MAST4: variants seen among roughly 807,000 people sequenced by gnomAD.
MAST4 encodes microtubule-associated serine/threonine-protein kinase 4.
MAST4 carries 89 observed loss-of-function variants against 162.7 expected under a neutral mutation model. The observed-to-expected ratio is 0.55, with a 90% confidence interval of 0.46 to 0.65. MAST4 has a LOEUF of 0.65. MAST4 is among the 30% of genes least tolerant of loss of function. MAST4 has a pLI of 0.00. For synonymous variants in MAST4, 1,479 were observed against 1,361.1 expected, an observed-to-expected ratio of 1.09 and a Z score of -1.91; for missense variants, 3,153 against 3,374.0, an observed-to-expected ratio of 0.93 and a Z score of 1.62.
intron 3 of MAST4, among the ~76,000 whole-genome samples, chr5:66,878,662 T>C (rs1034575587): frequency 6.6e-6 from 1 of 152,232 alleles, no homozygotes; most frequent in Non-Finnish European, 1.5e-5. Context: ...ACCTTCTTTT[T>C]TTCTCTTTTA....
At chr5:66,788,866 A>T (rs1332923488) in intron 3 of MAST4, 72 bp downstream of exon 3, 4 of 1,443,724 alleles carry the variant, frequency 2.8e-6, no homozygotes, top group Non-Finnish European at 3.7e-6. Flanking sequence ...AAGTTAATTG[A>T]GTTTAACTAT....
intron 9 of MAST4, among the ~76,000 whole-genome samples, chr5:67,102,863 G>A (rs866388498): frequency 2.0e-5 from 3 of 152,182 alleles, no homozygotes; most frequent in Non-Finnish European, 4.4e-5. Context: ...CACCACACAC[G>A]GGGTGGGCCT....
chr5:66,965,038 AAAG>A (rs762678149), intron 4 of MAST4, among the ~76,000 whole-genome samples: 7 of 152,202 alleles, frequency 4.6e-5, no homozygotes, highest in Non-Finnish European at 1.0e-4. Flanking sequence ...TGAAATCTGC[AAAG>A]AATAATCGAC....
chr5:67,166,386 G>C lies in MAST4; in HGVS notation c.7207G>C (p.Ala2403Pro). The C allele has an allele frequency of 6.2e-7, 1 of 1,611,018 alleles. No individual in the cohort carries two copies. Reference sequence around the variant, plus strand: ...GCATAGCGAGAACCGGTTGAAAGGCGCGGAGCGGCCAGCCGCGGGGGTGGG... The same window carrying C: ...GCATAGCGAGAACCGGTTGAAAGGCCCGGAGCGGCCAGCCGCGGGGGTGGG... Reference protein sequence around the residue: ...FVHSENRLKGAERPAAGVGKG... With the variant: ...FVHSENRLKGPERPAAGVGKG... Residue 2403 changes from alanine to proline, a missense_variant, in exon 29 of 29, where the codon GCG becomes CCG. Coordinates refer to ENST00000403625, the MANE Select transcript of MAST4 (RefSeq NM_001164664.2).
intron 1 of MAST4, among the ~76,000 whole-genome samples, chr5:66,652,853 C>T (rs1746315267): frequency 1.3e-5 from 2 of 152,158 alleles, no homozygotes; most frequent in Admixed American, 6.6e-5. Context: ...TTTGTTTGCT[C>T]TCTTTGAGGC....
At chr5:66,926,876 C>A (rs1311412754) in intron 4 of MAST4, among the ~76,000 whole-genome samples, 1 of 151,950 alleles carries the variant, frequency 6.6e-6, no homozygotes, top group Non-Finnish European at 1.5e-5. Context: ...AGAATAATTA[C>A]CAAATTTACA....
chr5:66,724,109 A>G (rs545012472), intron 1 of MAST4, among the ~76,000 whole-genome samples: 1 of 152,246 alleles, frequency 6.6e-6, no homozygotes, highest in Admixed American at 6.5e-5. Flanking sequence ...TTCTTAGCAA[A>G]CATGCTGATT....
chr5:66,608,707 T>G (rs1263273042), intron 1 of MAST4, among the ~76,000 whole-genome samples: 1 of 151,664 alleles, frequency 6.6e-6, no homozygotes, highest in African/African-American at 2.4e-5. Flanking sequence ...CTGTGTGGCT[T>G]TTGAAATACT....
In MAST4 at chr5:66,677,373, C is replaced by T. The variant is rs1464440294; in HGVS notation, c.363+80355C>T. Among the ~76,000 whole-genome samples the T allele has an allele frequency of 2.6e-5, 4 of 152,318 alleles. No homozygotes were observed. The East Asian group carries it at 7.7e-4, about 29-fold the overall frequency. ...ATTTCATTCCTTTGGCATTTCTCCT[C>T]CCTGTTCTCTAACCTCTCTTTTAGT... On this transcript the variant is annotated intron_variant, in intron 1 of 28. Transcript: ENST00000403625.
intron 1 of MAST4, among the ~76,000 whole-genome samples, chr5:66,718,414 G>A (rs1450037101): frequency 6.6e-6 from 1 of 152,004 alleles, no homozygotes; most frequent in Non-Finnish European, 1.5e-5. Flanking sequence ...CTGAACCTGA[G>A]GACCCCATGA....
At chr5:67,116,730 C>A (rs557256449) in intron 12 of MAST4, among the ~76,000 whole-genome samples, 1 of 151,916 alleles carries the variant, frequency 6.6e-6, no homozygotes, top group African/African-American at 2.4e-5. Flanking sequence ...GCAGGAGAAT[C>A]GCTCGAACCC....
At chr5:67,118,010 C>A (rs896731327) in intron 12 of MAST4, among the ~76,000 whole-genome samples, 19 of 152,240 alleles carry the variant, frequency 1.2e-4, no homozygotes, top group African/African-American at 4.6e-4. Flanking sequence ...TGTTAGTATG[C>A]TAAGAGCTTT....
chr5:66,924,855 C>G (rs890038966), intron 4 of MAST4, among the ~76,000 whole-genome samples: 1 of 152,136 alleles, frequency 6.6e-6, no homozygotes, highest in Non-Finnish European at 1.5e-5. Flanking sequence ...TTACTTCTAT[C>G]TTTTGATGCA....
rs1050269932 is a variant in MAST4, at chr5:67,054,633, C to T, written c.763+141C>T. 26 of 738,960 alleles carry T rather than the reference C, an allele frequency of 3.5e-5. No individual in the cohort carries two copies. In the Admixed American group the frequency reaches 3.6e-4, roughly 10 times the overall value. 45.8% of individuals were successfully genotyped at this position (738,960 alleles called of 1,614,324 possible). A position where few individuals can be genotyped will look rare whatever the true frequency, so the allele number is the denominator to read the frequency against. On this transcript the variant is annotated intron_variant, in intron 5 of 28. Coordinates refer to ENST00000403625, the MANE Select transcript of MAST4 (RefSeq NM_001164664.2). Reference sequence around the variant, plus strand: ...TGTTTTATCCCTAAGTTGTTCTTTGCGATATGTTAGCCCAGATCTTATCCT... The same window carrying T: ...TGTTTTATCCCTAAGTTGTTCTTTGTGATATGTTAGCCCAGATCTTATCCT...
chr5:66,665,066 A>G (rs1355636544), intron 1 of MAST4, among the ~76,000 whole-genome samples: 1 of 152,252 alleles, frequency 6.6e-6, no homozygotes, highest in Non-Finnish European at 1.5e-5. Context: ...GAGTACTATC[A>G]GAAGAGGCAG....
chr5:66,959,392 C>G, intron 4 of MAST4: 1 of 750,140 alleles, frequency 1.3e-6, no homozygotes, highest in Non-Finnish European at 2.5e-6. Flanking sequence ...CTGACAGCCT[C>G]AGAGCACTGC....
At chr5:66,801,471 T>G (rs1005661160) in intron 3 of MAST4, among the ~76,000 whole-genome samples, 2 of 152,318 alleles carry the variant, frequency 1.3e-5, no homozygotes, top group African/African-American at 4.8e-5. Flanking sequence ...GAAGAGATGT[T>G]AAAAAATGAA....
At chr5:66,983,090 A>T (rs1453943341) in intron 4 of MAST4, among the ~76,000 whole-genome samples, 1 of 152,162 alleles carries the variant, frequency 6.6e-6, no homozygotes, top group Non-Finnish European at 1.5e-5. Context: ...CATTTCGTGG[A>T]GGTAGATACA....
At chr5:67,019,145 A>T (rs182027561) in intron 4 of MAST4, among the ~76,000 whole-genome samples, 4 of 152,136 alleles carry the variant, frequency 2.6e-5, no homozygotes, top group Non-Finnish European at 5.9e-5. Flanking sequence ...AGAAATTTTT[A>T]AAAAACCTAT....
Sources: gnomAD v4.1 joint callset for allele counts (sites outside exome capture counted in the v4.1 genomes callset) on GRCh38, gnomAD v4.1.1 for gene constraint, MANE v1.5 for transcripts, NCBI Gene and HGNC (gene_info 2026-07-23, HGNC 2026-07-21) for gene names.